MFSD6: variants seen among roughly 807,000 people sequenced by gnomAD.
MFSD6 encodes the protein major facilitator superfamily domain-containing protein 6.
MFSD6 carries 26 observed loss-of-function variants against 56.3 expected under a neutral mutation model. The ratio of observed to expected loss-of-function variants is 0.46; its 90% CI spans 0.34 to 0.64. The LOEUF is 0.64. Among genes scored for constraint, MFSD6 ranks in the 30% least tolerant of loss-of-function variants. The probability of loss-of-function intolerance (pLI) is 0.01; values close to 1 mark genes in which losing one functional copy is unlikely to be tolerated. For synonymous variants in MFSD6, 331 were observed against 366.9 expected, an observed-to-expected ratio of 0.90 and a Z score of 1.12; for missense variants, 750 against 986.2, an observed-to-expected ratio of 0.76 and a Z score of 3.21.
rs1689411755 is a variant in MFSD6, at chr2:190,492,425, C to T, written c.1891+2559C>T. Among the ~76,000 whole-genome samples the T allele has an allele frequency of 6.6e-6, 1 of 152,152 alleles. No individual in the cohort carries two copies. Among genetic ancestry groups the T allele is most frequent in the South Asian group, 2.1e-4 (1 of 4,818 alleles). Reference sequence around the variant, plus strand: ...GCACCAGATAACCTATAAAGGAAAACCTCTCAGATTAACAGCAGATTTCTC... The same window carrying T: ...GCACCAGATAACCTATAAAGGAAAATCTCTCAGATTAACAGCAGATTTCTC... On this transcript the variant is annotated intron_variant, in intron 6 of 7. Coordinates refer to ENST00000392328, the MANE Select transcript of MFSD6 (RefSeq NM_017694.4). This position sits in a 1 kb window ranked among gnomAD's most constrained non-coding sequence, Gnocchi z 5.2.
rs144764423 is a variant in MFSD6 at position 190,436,040 on chromosome 2, A to G, written c.11A>G (p.Asp4Gly). 6.2e-7 allele frequency: 1 copy of G among 1,609,672 alleles called. No individual in the cohort carries two copies. The highest frequency in any genetic ancestry group is 1.3e-5 in the African/African-American group (1 of 74,816). ...TGGTGGTGGTAAGCCATGGCAGATG[A>G]TAAAGTTGCTATCTTAACGGATGAT... MAD[D>G]KVAILTDDEE... Residue 4 changes from aspartate to glycine, a missense_variant, in exon 3 of 8, where the codon GAT (aspartate) becomes GGT (glycine). By Grantham distance (94) the Asp-to-Gly change is moderately conservative. Transcript: ENST00000392328. The surrounding 1 kb of genome is among the most constrained non-coding windows in gnomAD (Gnocchi z 5.3).
chr2:190,407,901 G>A (rs1272204813), upstream of MFSD6, among the ~76,000 whole-genome samples: 1 of 152,248 alleles, frequency 6.6e-6, no homozygotes, highest in Non-Finnish European at 1.5e-5. This position sits in a 1 kb window ranked among gnomAD's most constrained non-coding sequence, Gnocchi z 5.4. Flanking sequence ...AGGGATGTTA[G>A]TACATTTTCC....
In MFSD6 at chr2:190,489,446, A is replaced by G. The variant is rs143283250; in HGVS notation, c.1793-322A>G. ...CTACAGATTAATAGTGCTGTTAGTT[A>G]ATAATTGGGTAAATGGTCTTTTCAT... is the stretch of plus-strand genomic sequence containing the variant. On this transcript the variant is annotated intron_variant, in intron 5 of 7. Transcript: ENST00000392328. The surrounding 1 kb of genome is among the most constrained non-coding windows in gnomAD (Gnocchi z 6.6). 8.3e-3 allele frequency among the ~76,000 whole-genome samples: 1,264 copies of G among 152,318 alleles called. 13 individuals carry two copies. The highest frequency in any genetic ancestry group is 0.028 in the African/African-American group (1,167 of 41,566).
At position 190,436,398 on chromosome 2, in the gene MFSD6, A is replaced by G; in HGVS notation, c.369A>G (p.Val123=). Residue 123 remains valine (V), a synonymous_variant, in exon 3 of 8, where the codon GTA becomes GTG. Transcript: ENST00000392328. The surrounding 1 kb of genome is among the most constrained non-coding windows in gnomAD (Gnocchi z 5.3). ...IEFCSAPFWG[V]VADRFKKGKI... ...TCTGCAGTGCCCCCTTTTGGGGTGT[A>G]GTTGCAGACCGCTTTAAAAAAGGCA... The G allele has an allele frequency of 1.2e-6, 2 of 1,614,144 alleles. No individual in the cohort carries two copies. Among genetic ancestry groups the G allele is most frequent in the Non-Finnish European group, 8.5e-7 (1 of 1,180,004 alleles).
At position 190,487,050 on chromosome 2, in the gene MFSD6, A is replaced by T. The variant is rs1030624131; in HGVS notation, c.1631-1607A>T. On this transcript the variant is annotated intron_variant, in intron 4 of 7. Coordinates refer to ENST00000392328, the MANE Select transcript of MFSD6 (RefSeq NM_017694.4). This position sits in a 1 kb window ranked among gnomAD's most constrained non-coding sequence, Gnocchi z 5.5. ...CTGCACTCATTTTTTTAACTGAACTATATATTAAGAAGCATGGCTGGGTGC... is the reference window on the plus strand; with the variant it reads ...CTGCACTCATTTTTTTAACTGAACTTTATATTAAGAAGCATGGCTGGGTGC... 2.6e-5 allele frequency among the ~76,000 whole-genome samples: 4 copies of T among 152,152 alleles called. No individual in the cohort carries two copies. Among genetic ancestry groups the T allele is most frequent in the Non-Finnish European group, 5.9e-5 (4 of 68,022 alleles).
chr2:190,446,504 G>T (rs1471988274), intron 3 of MFSD6, among the ~76,000 whole-genome samples: 1 of 152,164 alleles, frequency 6.6e-6, no homozygotes, highest in East Asian at 1.9e-4. Context: ...CTATGTGTTA[G>T]CAGTAAAATC....
At chr2:190,432,847 C>T (rs1371464360) in intron 2 of MFSD6, among the ~76,000 whole-genome samples, 2 of 148,514 alleles carry the variant, frequency 1.3e-5, no homozygotes, top group East Asian at 4.0e-4. Context: ...CACACTCTCT[C>T]TCTCTCTCTC....
rs1689172434 is a variant in MFSD6, at chr2:190,488,960, T to C, written c.1792+142T>C. ...ATTCATAATCTCTTTCTAGATTTCA[T>C]GGTAGTCATAATTGTAAAGCAGTGT... On this transcript the variant is annotated intron_variant, in intron 5 of 7. Coordinates refer to ENST00000392328, the MANE Select transcript of MFSD6 (RefSeq NM_017694.4). The surrounding 1 kb of genome is among the most constrained non-coding windows in gnomAD (Gnocchi z 6.4). 4.3e-6 allele frequency: 4 copies of C among 923,588 alleles called. No individual in the cohort carries two copies. Among genetic ancestry groups the C allele is most frequent in the East Asian group, 5.9e-5 (2 of 33,810 alleles). 57.2% of individuals were successfully genotyped at this position (923,588 alleles called of 1,614,324 possible).
intron 4 of MFSD6, among the ~76,000 whole-genome samples, chr2:190,473,340 C>G (rs1264240865): frequency 2.6e-5 from 4 of 152,068 alleles, no homozygotes; most frequent in African/African-American, 4.8e-5. Flanking sequence ...TTCAGGAAAC[C>G]CATCTCACGT....
In MFSD6 at chr2:190,454,853, C is replaced by T. The variant is rs929205168; in HGVS notation, c.1533-14905C>T. On this transcript the variant is annotated intron_variant, in intron 3 of 7. Coordinates refer to ENST00000392328, the MANE Select transcript of MFSD6 (RefSeq NM_017694.4). This position sits in a 1 kb window ranked among gnomAD's most constrained non-coding sequence, Gnocchi z 4.6. ...ACTAGAATAGGGACCTATGGCCTAA[C>T]ATAGTGGGATGATGGTAGGAGTGAG... 4.9e-4 allele frequency among the ~76,000 whole-genome samples: 75 copies of T among 152,118 alleles called. No homozygotes were observed. The highest frequency in any genetic ancestry group is 1.7e-3 in the African/African-American group (69 of 41,474).
chr2:190,411,518 A>T, intron 1 of MFSD6: 12 of 985,364 alleles, frequency 1.2e-5, no homozygotes, highest in Non-Finnish European at 1.4e-5. Context: ...TTTGCTTTTT[A>T]CCTTATAAAG....
At chr2:190,435,506 A>G (rs1243660485) in intron 2 of MFSD6, among the ~76,000 whole-genome samples, 1 of 152,118 alleles carries the variant, frequency 6.6e-6, no homozygotes, top group East Asian at 1.9e-4. Flanking sequence ...TTCTCATTAC[A>G]TTTGTGGTTG....
rs1253397746 is a variant in MFSD6, at chr2:190,431,047, C to T, written c.-53-4930C>T. On this transcript the variant is annotated intron_variant, in intron 2 of 7. Transcript: ENST00000392328. The surrounding 1 kb of genome is among the most constrained non-coding windows in gnomAD (Gnocchi z 4.4). ...AGACGGGGTCGCGGCCGGGCAGAGG[C>T]GCTCCTCACCTCCCAGACGGGGTCG... Among the ~76,000 whole-genome samples, 3 of 143,896 alleles carry T rather than the reference C, an allele frequency of 2.1e-5. No individual in the cohort carries two copies. The highest frequency in any genetic ancestry group is 6.9e-5 in the Admixed American group (1 of 14,474). 94.4% of individuals were successfully genotyped at this position (143,896 alleles called of 152,430 possible).
At chr2:190,464,975 AC>A in intron 3 of MFSD6, 2 of 845,774 alleles carry the variant, frequency 2.4e-6, no homozygotes, top group Middle Eastern at 5.9e-4. Flanking sequence ...GGGTCTCACA[AC>A]TAACTACACT....
rs954577061 is a variant in MFSD6 at position 190,412,593 on chromosome 2, G to T, written c.-175-2699G>T. The T allele has an allele frequency of 1.8e-5, 18 of 985,256 alleles. No individual in the cohort carries two copies. In the African/African-American group the frequency reaches 3.0e-4, roughly 16 times the overall value. The allele number at this position is 985,256 out of a possible 1,614,324, so 61.0% of individuals were successfully genotyped here. A position where few individuals can be genotyped will look rare whatever the true frequency, so the allele number is the denominator to read the frequency against. ...AACAAACACATCTGATGTCAATTCT[G>T]TGTGGGGCAATGAAAACACCTTAAT... On this transcript the variant is annotated intron_variant, in intron 1 of 7. Transcript: ENST00000392328. This position sits in a 1 kb window ranked among gnomAD's most constrained non-coding sequence, Gnocchi z 4.1.
At chr2:190,478,522 G>A (rs912460141) in intron 4 of MFSD6, among the ~76,000 whole-genome samples, 2 of 152,180 alleles carry the variant, frequency 1.3e-5, no homozygotes, top group Non-Finnish European at 2.9e-5. Context: ...GGATTCGTCT[G>A]CCTTTACAAG....
At chr2:190,409,831 A>G (rs1265436016) in intron 1 of MFSD6, among the ~76,000 whole-genome samples, 1 of 152,148 alleles carries the variant, frequency 6.6e-6, no homozygotes, top group Non-Finnish European at 1.5e-5. Context: ...GAGGTGCAGG[A>G]TATGGTCAGC....
chr2:190,476,764 T>C (rs892680184), intron 4 of MFSD6, among the ~76,000 whole-genome samples: 1 of 152,162 alleles, frequency 6.6e-6, no homozygotes, highest in African/African-American at 2.4e-5. Context: ...CATATGTTTA[T>C]TGCAGCACTA....
In MFSD6 at chr2:190,438,341, C is replaced by G. The variant is rs923678056; in HGVS notation, c.1532+780C>G. On this transcript the variant is annotated intron_variant, in intron 3 of 7. Coordinates refer to ENST00000392328, the MANE Select transcript of MFSD6 (RefSeq NM_017694.4). The surrounding 1 kb of genome is among the most constrained non-coding windows in gnomAD (Gnocchi z 5.2). The stretch of plus-strand genomic sequence containing the variant: ...GACCAGCCTGGCCAACATGGTGAAA[C>G]CCCATCTCTACTAAAAATACAAAAG... Among the ~76,000 whole-genome samples the G allele has an allele frequency of 1.6e-4, 25 of 152,128 alleles. No individual in the cohort carries two copies. Among genetic ancestry groups the G allele is most frequent in the Non-Finnish European group, 3.7e-4 (25 of 68,020 alleles).
Sources: allele counts gnomAD v4.1 joint callset (sites outside exome capture counted in the v4.1 genomes callset), GRCh38; gene constraint gnomAD v4.1.1; non-coding constraint Gnocchi (gnomAD v3.1); transcripts MANE v1.5; gene names NCBI Gene and HGNC (gene_info 2026-07-23, HGNC 2026-07-21).